TBC1D5: variants seen among roughly 807,000 people sequenced by gnomAD.
TBC1D5 encodes TBC1 domain family member 5.
In TBC1D5, 75 loss-of-function variants were observed where a neutral mutation model predicts 100.3. The ratio of observed to expected loss-of-function variants is 0.75; its 90% CI spans 0.62 to 0.91. The LOEUF (loss-of-function observed/expected upper bound fraction) is 0.91. Among genes scored for constraint, TBC1D5 ranks in the 40% least tolerant of loss-of-function variants. TBC1D5 has a pLI of 0.00. For missense variants in TBC1D5, 910 were observed against 942.4 expected (o/e 0.97, Z 0.45); for synonymous variants, 323 against 325.6 (o/e 0.99, Z 0.09).
At chr3:17,537,854 C>A (rs2096298989) in intron 2 of TBC1D5, among the ~76,000 whole-genome samples, 1 of 152,176 alleles carries the variant, frequency 6.6e-6, no homozygotes, top group Admixed American at 6.5e-5. Context: ...GTATCTGAGA[C>A]AAGTCTCGTT....
chr3:17,360,986 C>A (rs543253741), intron 13 of TBC1D5, among the ~76,000 whole-genome samples: 1 of 151,870 alleles, frequency 6.6e-6, no homozygotes, highest in South Asian at 2.1e-4. Flanking sequence ...TTGGAAGGAA[C>A]AAAAAGAGAC....
intron 1 of TBC1D5, among the ~76,000 whole-genome samples, chr3:17,712,467 T>C (rs2074834760): frequency 6.6e-6 from 1 of 152,212 alleles, no homozygotes; most frequent in African/African-American, 2.4e-5. Flanking sequence ...AGGCTAGCTA[T>C]GGCTGTCTCA....
chr3:17,384,445 C>T (rs996323191), intron 8 of TBC1D5, among the ~76,000 whole-genome samples: 1 of 151,998 alleles, frequency 6.6e-6, no homozygotes, highest in African/African-American at 2.4e-5. Flanking sequence ...TCAGTTATTA[C>T]ATATAACCAC....
intron 2 of TBC1D5, among the ~76,000 whole-genome samples, chr3:17,578,170 T>A (rs2096669447): frequency 6.6e-6 from 1 of 152,112 alleles, no homozygotes; most frequent in Non-Finnish European, 1.5e-5. Flanking sequence ...CTTTATGGCA[T>A]GCATACATTG....
intron 2 of TBC1D5, among the ~76,000 whole-genome samples, chr3:17,533,108 T>C (rs1266783291): frequency 6.9e-6 from 1 of 144,308 alleles, no homozygotes; most frequent in Admixed American, 6.9e-5. Context: ...CACACACACT[T>C]CCAATTAGTT....
chr3:17,406,583 G>A (rs2093776201), intron 4 of TBC1D5, 57 bp from the exon 5 acceptor site: 3 of 1,495,342 alleles, frequency 2.0e-6, no homozygotes, highest in South Asian at 1.2e-5. Context: ...TCTGCTTGGA[G>A]AGAAGTTCTA....
At chr3:17,327,575 C>G (rs1340354482) in intron 13 of TBC1D5, among the ~76,000 whole-genome samples, 1 of 152,134 alleles carries the variant, frequency 6.6e-6, no homozygotes, top group Non-Finnish European at 1.5e-5. Flanking sequence ...TTTCTCCCCA[C>G]AAAAATACAT....
At chr3:17,471,670 CAAAAAAAAAAA>C (rs753132440) in intron 3 of TBC1D5, among the ~76,000 whole-genome samples, 1 of 22,288 alleles carries the variant, frequency 4.5e-5, no homozygotes, top group African/African-American at 1.9e-4. Flanking sequence ...GACTCCGTCT[CAAAAAAAAAAA>C]AAAAAAAAAA....
In TBC1D5 at chr3:17,434,227, T is replaced by C. The variant is rs867532982; in HGVS notation, c.98-5708A>G. On this transcript the variant is annotated intron_variant, in intron 3 of 21. Coordinates refer to ENST00000253692, the Ensembl canonical transcript of TBC1D5. ...CCCAGTGGGGACTTTGTATGGGGAC[T>C]CCAACCCCACATTTCCCTTCCACAC... Among the ~76,000 whole-genome samples the C allele has an allele frequency of 3.3e-5, 5 of 152,210 alleles. No homozygotes were observed. In the South Asian group the frequency reaches 1.0e-3, roughly 31 times the overall value.
intron 3 of TBC1D5, among the ~76,000 whole-genome samples, chr3:17,499,617 C>G (rs1264035789): frequency 1.4e-5 from 2 of 147,778 alleles, no homozygotes; most frequent in African/African-American, 2.6e-5. Flanking sequence ...ATCATCTGAA[C>G]CCTGCCAGGT....
chr3:17,348,477 C>T (rs901504224), intron 13 of TBC1D5, among the ~76,000 whole-genome samples: 3 of 152,198 alleles, frequency 2.0e-5, no homozygotes, highest in Admixed American at 6.5e-5. Context: ...CCTCGCACTA[C>T]ACTCTGAGTA....
intron 3 of TBC1D5, among the ~76,000 whole-genome samples, chr3:17,485,777 T>C (rs1035015120): frequency 7.2e-5 from 11 of 151,732 alleles, no homozygotes; most frequent in African/African-American, 7.3e-5. Context: ...GTCTTTGCTA[T>C]TGTGAATAGT....
chr3:17,560,452 T>A (rs1055565316), intron 2 of TBC1D5, among the ~76,000 whole-genome samples: 2 of 151,854 alleles, frequency 1.3e-5, no homozygotes, highest in Non-Finnish European at 2.9e-5. Context: ...ACACCCTGTC[T>A]CTAAAAAAAT....
intron 13 of TBC1D5, among the ~76,000 whole-genome samples, chr3:17,360,190 T>G (rs955934896): frequency 2.0e-5 from 3 of 152,042 alleles, no homozygotes; most frequent in African/African-American, 7.2e-5. Flanking sequence ...TGACTAAATA[T>G]ATTTCTGGGA....
chr3:17,411,920 C>A (rs963668426), intron 4 of TBC1D5, among the ~76,000 whole-genome samples: 5 of 152,122 alleles, frequency 3.3e-5, no homozygotes, highest in African/African-American at 1.2e-4. Context: ...ATGAACGGCT[C>A]TAACAACAGA....
At chr3:17,403,633 G>T (rs2093698049) in intron 7 of TBC1D5, among the ~76,000 whole-genome samples, 1 of 151,940 alleles carries the variant, frequency 6.6e-6, no homozygotes, top group African/African-American at 2.4e-5. Flanking sequence ...AATCTATTAG[G>T]TATTATAAGT....
chr3:17,218,701 G>C (rs1365385371), intron 17 of TBC1D5, among the ~76,000 whole-genome samples: 1 of 151,966 alleles, frequency 6.6e-6, no homozygotes, highest in Non-Finnish European at 1.5e-5. Flanking sequence ...TAGACCGACT[G>C]GCTTTTCATC....
intron 3 of TBC1D5, among the ~76,000 whole-genome samples, chr3:17,473,484 T>C (rs1422455308): frequency 3.3e-5 from 5 of 152,234 alleles, no homozygotes; most frequent in Non-Finnish European, 7.3e-5. Context: ...GTATTTTAAC[T>C]GTATTTCTAA....
chr3:17,464,946 G>A (rs1333335890), intron 3 of TBC1D5, among the ~76,000 whole-genome samples: 5 of 151,874 alleles, frequency 3.3e-5, no homozygotes. Context: ...ACCAGCAGAA[G>A]GTGATGTTGC....
Sources: allele counts gnomAD v4.1 joint callset (sites outside exome capture counted in the v4.1 genomes callset), GRCh38; gene constraint gnomAD v4.1.1; transcripts MANE v1.5; gene names NCBI Gene and HGNC (gene_info 2026-07-23, HGNC 2026-07-21).